ZNF782: variants seen among roughly 807,000 people sequenced by gnomAD.
The protein encoded by ZNF782 is zinc finger protein 782.
In ZNF782, 12 loss-of-function variants were observed where a neutral mutation model predicts 13.0. The ratio of observed to expected loss-of-function variants is 0.92; its 90% CI spans 0.59 to 1.50. ZNF782 has a LOEUF of 1.50. Ranked by LOEUF, ZNF782 falls within the 40% of genes most tolerant of loss-of-function variation. ZNF782 has a pLI of 0.00. For synonymous variants in ZNF782, 284 were observed against 283.0 expected (o/e 1.00, Z -0.04); for missense variants, 770 against 822.9 (o/e 0.94, Z 0.79).
chr9:96,817,460 T>G lies in ZNF782; in HGVS notation c.*463A>C, dbSNP rs1850208312. ...TTGTTTTAATATACTATGAGGTCTC[T>G]ATCTTGAATGTATTTTCTGCTGTAC... is the stretch of plus-strand genomic sequence containing the variant. On this transcript the variant is annotated 3_prime_UTR_variant, in exon 6 of 6. Transcript: ENST00000481138. 6.5e-6 allele frequency: 1 copy of G among 154,558 alleles called. No individual in the cohort carries two copies. Among genetic ancestry groups the G allele is most frequent in the Non-Finnish European group, 1.4e-5 (1 of 69,740 alleles). 9.6% of individuals were successfully genotyped at this position (154,558 alleles called of 1,614,324 possible).
At chr9:96,841,507 A>G (rs1851188026) in intron 4 of ZNF782, among the ~76,000 whole-genome samples, 1 of 152,002 alleles carries the variant, frequency 6.6e-6, no homozygotes, top group Admixed American at 6.5e-5. Flanking sequence ...CAAACAATAA[A>G]TAAAAAGAAT....
intron 3 of ZNF782, among the ~76,000 whole-genome samples, chr9:96,849,740 T>C (rs1000587318): frequency 1.3e-5 from 2 of 151,982 alleles, no homozygotes; most frequent in African/African-American, 4.8e-5. Context: ...ACCCACAGAA[T>C]GGGAGAAAAT....
chr9:96,896,186 T>A, the ZNF782 span: 1 of 152,212 alleles, frequency 6.6e-6, no homozygotes, highest in Non-Finnish European at 1.5e-5. Flanking sequence ...ATGCACTTAC[T>A]GATCTGGCAG....
At chr9:96,836,407 A>G (rs1052971818) in intron 4 of ZNF782, among the ~76,000 whole-genome samples, 8 of 151,878 alleles carry the variant, frequency 5.3e-5, no homozygotes, top group African/African-American at 1.9e-4. Flanking sequence ...ACGGGGTTTC[A>G]CTATGTTGGT....
At chr9:96,872,392 G>A (rs1851838642) in intron 1 of ZNF782, among the ~76,000 whole-genome samples, 1 of 152,036 alleles carries the variant, frequency 6.6e-6, no homozygotes, top group Non-Finnish European at 1.5e-5. Flanking sequence ...TTAGCTGGGT[G>A]TGGTGGCACA....
At chr9:96,841,698 A>G (rs928623143) in intron 4 of ZNF782, among the ~76,000 whole-genome samples, 36 of 151,898 alleles carry the variant, frequency 2.4e-4, no homozygotes, top group Middle Eastern at 3.2e-3. Flanking sequence ...ATATTCTCAG[A>G]AAACTAGGAA....
intron 1 of ZNF782, among the ~76,000 whole-genome samples, chr9:96,875,165 A>ACGTGGG (rs1851878161): frequency 6.6e-6 from 1 of 152,168 alleles, no homozygotes; most frequent in African/African-American, 2.4e-5. Context: ...CTAGCTTGTG[A>ACGTGGG]CGTGGGCGCA....
chr9:96,891,512 C>G, the ZNF782 span: 1 of 151,648 alleles, frequency 6.6e-6, no homozygotes, highest in East Asian at 1.9e-4. Context: ...TTACCATCAC[C>G]CAGGTGATGT....
At chr9:96,884,527 G>A in the ZNF782 span, among the ~76,000 whole-genome samples, 12,120 of 152,166 alleles carry the variant, frequency 0.08, 1,480 homozygotes, top group African/African-American at 0.26. Flanking sequence ...GGTGGTGTGA[G>A]TCAGCCTTCC....
chr9:96,910,790 C>T, the ZNF782 span, among the ~76,000 whole-genome samples: 21 of 149,060 alleles, frequency 1.4e-4, no homozygotes, highest in African/African-American at 5.1e-4. Flanking sequence ...GCGCCCGCCA[C>T]GACACCCGGC....
intron 3 of ZNF782, among the ~76,000 whole-genome samples, chr9:96,851,337 C>T (rs1437012399): frequency 6.6e-6 from 1 of 152,110 alleles, no homozygotes; most frequent in Non-Finnish European, 1.5e-5. Context: ...AATCTTCACA[C>T]AAAAAGTCTT....
chr9:96,839,777 A>G (rs1851132761), intron 4 of ZNF782, among the ~76,000 whole-genome samples: 1 of 152,046 alleles, frequency 6.6e-6, no homozygotes, highest in African/African-American at 2.4e-5. Flanking sequence ...ATGGCTTCCT[A>G]TGCACACCAT....
At chr9:96,857,543 A>C (rs1851658587), upstream of ZNF782, among the ~76,000 whole-genome samples, 1 of 152,254 alleles carries the variant, frequency 6.6e-6, no homozygotes, top group African/African-American at 2.4e-5. Context: ...TTACATAGAA[A>C]GACTTGAAAG....
the ZNF782 span, among the ~76,000 whole-genome samples, chr9:96,916,747 G>T: frequency 6.6e-6 from 1 of 151,036 alleles, no homozygotes; most frequent in African/African-American, 2.4e-5. Context: ...GGTGAAGGGG[G>T]AAGGGAGGAG....
At chr9:96,903,372 T>TC in the ZNF782 span, among the ~76,000 whole-genome samples, 1 of 151,758 alleles carries the variant, frequency 6.6e-6, no homozygotes, top group Non-Finnish European at 1.5e-5. Context: ...AGTTGCTGGG[T>TC]CCCTTTTTTT....
At chr9:96,861,045 A>T (rs906332017) in intron 2 of ZNF782, among the ~76,000 whole-genome samples, 40 of 152,214 alleles carry the variant, frequency 2.6e-4, no homozygotes, top group African/African-American at 8.9e-4. Context: ...CCAGAAGTTC[A>T]AGACCAGCCT....
intron 3 of ZNF782, among the ~76,000 whole-genome samples, chr9:96,845,229 T>C (rs1352828187): frequency 6.6e-6 from 1 of 152,250 alleles, no homozygotes; most frequent in Non-Finnish European, 1.5e-5. Flanking sequence ...TTTACAATCA[T>C]ACACATACAT....
At chr9:96,910,345 T>G in the ZNF782 span, 1 of 600,024 alleles carries the variant, frequency 1.7e-6, no homozygotes, top group African/African-American at 2.0e-5. Flanking sequence ...AGCGGGCAGC[T>G]GAAGATGATG....
the ZNF782 span, among the ~76,000 whole-genome samples, chr9:96,902,469 T>G: frequency 7.6e-6 from 1 of 131,280 alleles, no homozygotes; most frequent in Non-Finnish European, 1.5e-5. Flanking sequence ...TCTAATTTAC[T>G]TTCATTGTCT....
Sources: allele counts gnomAD v4.1 joint callset (sites outside exome capture counted in the v4.1 genomes callset), GRCh38; gene constraint gnomAD v4.1.1; transcripts MANE v1.5; gene names NCBI Gene and HGNC (gene_info 2026-07-23, HGNC 2026-07-21).